The following ABCA12 variants were observed in gnomAD, a reference collection of about 807,000 sequenced individuals.
ABCA12 encodes ATP binding cassette subfamily A member 12, also known as glucosylceramide transporter ABCA12.
A neutral mutation model predicts 293.5 loss-of-function variants in ABCA12; 156 were observed. The observed-to-expected ratio is 0.53, with a 90% CI of 0.47 to 0.61. The LOEUF is 0.61. Ranked by LOEUF, ABCA12 falls within the 20% of genes least tolerant of loss-of-function variation. ABCA12 has a pLI of 0.00. For missense variants in ABCA12, 2,797 were observed against 3,090.2 expected, an observed-to-expected ratio of 0.91 and a Z score of 2.25; for synonymous variants, 1,063 against 1,108.0, an observed-to-expected ratio of 0.96 and a Z score of 0.81.
rs776872751 is a variant in ABCA12, at chr2:214,987,747, G to A, written c.3876C>T (p.Ser1292=). 37 of 1,613,760 alleles carry A rather than the reference G, an allele frequency of 2.3e-5. No individual in the cohort carries two copies. In the South Asian group the frequency reaches 4.0e-4, roughly 17 times the overall value. The part of the protein sequence containing the change: ...AAPWYFPILP[S]YWKERFGCAE... Reference sequence around the variant, plus strand: ...CACACCCAAATCGCTCCTTCCAATAGGAAGGAAGAATTGGAAAATACCAGG... The same window carrying A: ...CACACCCAAATCGCTCCTTCCAATAAGAAGGAAGAATTGGAAAATACCAGG... Residue 1292 remains serine, a synonymous_variant, in exon 27 of 53, where the codon TCC becomes TCT. Coordinates refer to ENST00000272895, the MANE Select transcript of ABCA12 (RefSeq NM_173076.3).
At chr2:215,064,251 A>G (rs1325005525) in intron 2 of ABCA12, 32 bp from the exon 3 acceptor site, 11 of 1,605,846 alleles carry the variant, frequency 6.8e-6, no homozygotes, top group Non-Finnish European at 8.5e-6. Flanking sequence ...TTACATCAGT[A>G]TGGCACATTT....
intron 2 of ABCA12, among the ~76,000 whole-genome samples, chr2:215,108,139 A>G (rs908317891): frequency 1.3e-5 from 2 of 152,128 alleles, no homozygotes; most frequent in African/African-American, 2.4e-5. Flanking sequence ...CTATTGCCCA[A>G]CTAGCACTGT....
At chr2:215,131,699 A>ACCG (rs1703059290) in intron 1 of ABCA12, among the ~76,000 whole-genome samples, 2 of 38,624 alleles carry the variant, frequency 5.2e-5, no homozygotes, top group African/African-American at 2.0e-4. Context: ...GATCCTTTCT[A>ACCG]TTGTTTTTTT....
intron 8 of ABCA12, among the ~76,000 whole-genome samples, chr2:215,033,312 A>G (rs1306846642): frequency 6.6e-6 from 1 of 152,248 alleles, no homozygotes; most frequent in Admixed American, 6.5e-5. Flanking sequence ...GTAAAGGTAT[A>G]TAAAACTCTT....
In ABCA12 at chr2:214,959,049, C is replaced by T; in HGVS notation, c.5914G>A (p.Gly1972Arg). 1 of 1,613,880 alleles carries T rather than the reference C, an allele frequency of 6.2e-7. No homozygotes were observed. The highest frequency in any genetic ancestry group is 8.5e-7 in the Non-Finnish European group (1 of 1,179,798). ...GIIMYSHPYP[G>R]VQDQEQATIS... ...GTGGCTTGTTCTTGGTCTTGCACTC[C>T]TGGATAAGGATGGCTATACATGATG... The change falls in exon 40 of 53, where the codon GGA (glycine) becomes AGA (arginine). Residue 1972 changes from glycine to arginine, a missense_variant. By Grantham distance (125) the Gly-to-Arg change is moderately radical. Around this residue, in one of 3 missense-constraint regions of ABCA12, gnomAD observed 2,130 missense variants for 2,427.0 expected, o/e 0.88. Coordinates refer to ENST00000272895, the MANE Select transcript of ABCA12 (RefSeq NM_173076.3).
At chr2:215,135,259 C>T (rs773325347) in intron 1 of ABCA12, among the ~76,000 whole-genome samples, 1 of 152,136 alleles carries the variant, frequency 6.6e-6, no homozygotes, top group African/African-American at 2.4e-5. Flanking sequence ...GCGCCCAGCC[C>T]CAGCATATAC....
chr2:214,967,040 T>A, intron 38 of ABCA12, 87 bp from the exon 39 acceptor site: 1 of 1,039,732 alleles, frequency 9.6e-7, no homozygotes, highest in East Asian at 2.5e-5. Flanking sequence ...TTATTTATAT[T>A]TAAAATAAGA....
intron 2 of ABCA12, among the ~76,000 whole-genome samples, chr2:215,090,396 C>G (rs927231599): frequency 6.6e-6 from 1 of 152,182 alleles, no homozygotes; most frequent in Non-Finnish European, 1.5e-5. Flanking sequence ...CCACCTACCA[C>G]CTCGGGTCCT....
intron 2 of ABCA12, among the ~76,000 whole-genome samples, chr2:215,071,257 A>G (rs1223045656): frequency 7.2e-6 from 1 of 139,458 alleles, no homozygotes; most frequent in Non-Finnish European, 1.6e-5. Context: ...AAATAAAATA[A>G]AAAATAAATC....
chr2:215,003,258 T>C (rs943999997), intron 20 of ABCA12, among the ~76,000 whole-genome samples: 11 of 152,186 alleles, frequency 7.2e-5, no homozygotes, highest in African/African-American at 1.4e-4. Flanking sequence ...CAGCCTGAAT[T>C]AGATGTCTTG....
intron 3 of ABCA12, 71 bp from the exon 4 acceptor site, chr2:215,054,735 G>A: frequency 2.6e-6 from 3 of 1,174,006 alleles, no homozygotes; most frequent in Non-Finnish European, 3.8e-6. Context: ...GTATTATGTG[G>A]CAGATTCCAG....
rs770579160 is a variant in ABCA12 at position 214,990,754 on chromosome 2, A to G, written c.3572T>C (p.Ile1191Thr). ...LIYIIAFFPF[I>T]VLVTVENELS... ...CTCATTCTCCACTGTAACCAGAACA[A>G]TAAATGGAAAGAAGGCAATGATGTA... is the stretch of plus-strand genomic sequence containing the variant. The change falls in exon 24 of 53, where the codon ATT becomes ACT. Residue 1191 changes from isoleucine (I) to threonine (T), a missense_variant. Coordinates refer to ENST00000272895, the MANE Select transcript of ABCA12 (RefSeq NM_173076.3). The G allele has an allele frequency of 1.2e-6, 2 of 1,614,164 alleles. No individual in the cohort carries two copies. Among genetic ancestry groups the G allele is most frequent in the Non-Finnish European group, 1.7e-6 (2 of 1,179,988 alleles).
chr2:215,102,901 A>C (rs1702387612), intron 2 of ABCA12, among the ~76,000 whole-genome samples: 1 of 152,188 alleles, frequency 6.6e-6, no homozygotes, highest in Non-Finnish European at 1.5e-5. Flanking sequence ...TTTTACTTTG[A>C]ATATTGATAT....
intron 2 of ABCA12, among the ~76,000 whole-genome samples, chr2:215,090,111 C>T (rs1443594856): frequency 6.6e-6 from 1 of 152,150 alleles, no homozygotes; most frequent in Admixed American, 6.5e-5. Flanking sequence ...GTGACCCCTG[C>T]CCCTGCCTGC....
Position 215,126,956 on chromosome 2 carries a change from C to G in ABCA12, c.69+11184G>C, listed in dbSNP as rs1307641892. On this transcript the variant is annotated intron_variant, in intron 1 of 52. Transcript: ENST00000272895. ...GCTATGAGCTTTCTTGTTAGCACTG[C>G]CTTTGCTGTATCCCAGAGGTTTCCA... is the stretch of plus-strand genomic sequence containing the variant. Among the ~76,000 whole-genome samples, 4 of 151,988 alleles carry G rather than the reference C, an allele frequency of 2.6e-5. No homozygotes were observed. In the East Asian group the frequency reaches 7.7e-4, roughly 29 times the overall value.
intron 52 of ABCA12, 126 bp from the exon 53 acceptor site, chr2:214,932,867 C>G: frequency 1.4e-6 from 1 of 721,634 alleles, no homozygotes; most frequent in Non-Finnish European, 2.4e-6. Flanking sequence ...TGTATGCAGG[C>G]CCCTATAAAA....
In ABCA12 at chr2:215,011,495, G is replaced by A; in HGVS notation, c.2276C>T (p.Thr759Ile). ...AATTTGCTCTTTAGTTAATTTATAA[G>A]TCAAAAAATCCTTGGTGTGGTTGCC... ...PKGNHTKDFL[T>I]YKLTKEQIAS... is the part of the protein sequence containing the mutation. The change falls in exon 17 of 53, where the codon ACT becomes ATT. Residue 759 changes from threonine (T) to isoleucine (I), a missense_variant. Physicochemically the swap from Thr to Ile is moderately conservative, Grantham distance 89. Coordinates refer to ENST00000272895, the MANE Select transcript of ABCA12 (RefSeq NM_173076.3). The A allele has an allele frequency of 6.2e-7, 1 of 1,613,984 alleles. No individual in the cohort carries two copies. Among genetic ancestry groups the A allele is most frequent in the Non-Finnish European group, 8.5e-7 (1 of 1,179,890 alleles).
At chr2:214,997,584 A>T in intron 23 of ABCA12, 111 bp downstream of exon 23, 1 of 787,624 alleles carries the variant, frequency 1.3e-6, no homozygotes, top group Non-Finnish European at 2.1e-6. Flanking sequence ...TTTCTGTTTA[A>T]TTCACAAGGG....
At chr2:214,966,084 A>C (rs1006220057) in intron 39 of ABCA12, among the ~76,000 whole-genome samples, 1 of 152,204 alleles carries the variant, frequency 6.6e-6, no homozygotes, top group Non-Finnish European at 1.5e-5. Context: ...TGTCCTTTGC[A>C]GGGAGATGGA....
Sources: allele counts gnomAD v4.1 joint callset (sites outside exome capture counted in the v4.1 genomes callset), GRCh38; gene constraint gnomAD v4.1.1; regional missense constraint gnomAD v4.1.1; transcripts MANE v1.5; gene names NCBI Gene and HGNC (gene_info 2026-07-23, HGNC 2026-07-21).